The following KIAA0825 variants were observed in gnomAD, a reference collection of about 807,000 sequenced individuals.
KIAA0825 encodes the protein KIAA0825.
KIAA0825 carries 119 observed loss-of-function variants against 147.6 expected under a neutral mutation model. That is an observed-to-expected ratio of 0.81 (90% CI 0.69 to 0.94). The LOEUF (loss-of-function observed/expected upper bound fraction) is 0.94. KIAA0825 is among the 40% of genes least tolerant of loss of function. The pLI is 0.00. For synonymous variants in KIAA0825, 470 were observed against 518.1 expected, an observed-to-expected ratio of 0.91 and a Z score of 1.26; for missense variants, 1,381 against 1,472.7, an observed-to-expected ratio of 0.94 and a Z score of 1.02.
intron 5 of KIAA0825, among the ~76,000 whole-genome samples, chr5:94,512,356 C>T (rs1386138964): frequency 1.3e-5 from 2 of 151,844 alleles, no homozygotes; most frequent in African/African-American, 2.4e-5. Flanking sequence ...TTTATAATAG[C>T]CCATTGGAAA....
intron 2 of KIAA0825, among the ~76,000 whole-genome samples, chr5:94,551,739 G>A (rs1156376902): frequency 6.6e-6 from 1 of 151,850 alleles, no homozygotes; most frequent in Non-Finnish European, 1.5e-5. Flanking sequence ...TGAAAAGATG[G>A]TAACTACCAC....
At chr5:94,245,108 A>C (rs1278304831) in intron 20 of KIAA0825, among the ~76,000 whole-genome samples, 1 of 152,182 alleles carries the variant, frequency 6.6e-6, no homozygotes, top group East Asian at 1.9e-4. Flanking sequence ...AGGAAATTGG[A>C]GGCCAAAGGC....
At chr5:94,301,600 G>C (rs1778406943) in intron 20 of KIAA0825, among the ~76,000 whole-genome samples, 1 of 152,002 alleles carries the variant, frequency 6.6e-6, no homozygotes, top group Non-Finnish European at 1.5e-5. Flanking sequence ...GTGAAATATG[G>C]AGCACAGTTG....
chr5:94,476,717 G>A (rs576847494), intron 7 of KIAA0825, among the ~76,000 whole-genome samples: 8 of 152,248 alleles, frequency 5.3e-5, no homozygotes, highest in African/African-American at 7.2e-5. Context: ...GTGGTAACAG[G>A]TTTTGGGACC....
At chr5:94,440,430 T>C (rs1756925462) in intron 13 of KIAA0825, among the ~76,000 whole-genome samples, 1 of 152,218 alleles carries the variant, frequency 6.6e-6, no homozygotes, top group African/African-American at 2.4e-5. Context: ...ACTTATGCAT[T>C]TTTTGAATGC....
At chr5:94,564,242 G>A (rs1266904133) in intron 2 of KIAA0825, among the ~76,000 whole-genome samples, 2 of 120,210 alleles carry the variant, frequency 1.7e-5, no homozygotes, top group Non-Finnish European at 3.3e-5. Context: ...TTGCAGACAA[G>A]GTCTCATTCT....
chr5:94,266,310 G>A (rs1436806725), intron 20 of KIAA0825, among the ~76,000 whole-genome samples: 2 of 152,138 alleles, frequency 1.3e-5, no homozygotes, highest in Non-Finnish European at 2.9e-5. Context: ...GTGATATTGT[G>A]TAATGAAATG....
rs191295263 is a variant in KIAA0825 at position 94,219,951 on chromosome 5, T to C, written c.3711-65827A>G. 7.7e-4 allele frequency among the ~76,000 whole-genome samples: 118 copies of C among 152,292 alleles called. 1 individual carries two copies. The highest frequency in any genetic ancestry group is 2.7e-3 in the African/African-American group (114 of 41,558). ...TAAATTTATAAAAACTATTTTTTCT[T>C]CAATAATAAATTAACCTTAGCTTAC... On this transcript the variant is annotated intron_variant, in intron 20 of 20. Coordinates refer to ENST00000682413, the MANE Select transcript of KIAA0825 (RefSeq NM_001145678.3).
chr5:94,282,236 A>G (rs561092505), intron 20 of KIAA0825, among the ~76,000 whole-genome samples: 1 of 152,266 alleles, frequency 6.6e-6, no homozygotes, highest in South Asian at 2.1e-4. Flanking sequence ...GCAATGCCTA[A>G]GACAGTATCA....
intron 2 of KIAA0825, among the ~76,000 whole-genome samples, chr5:94,550,753 A>T (rs892314264): frequency 3.3e-5 from 5 of 151,888 alleles, no homozygotes; most frequent in Non-Finnish European, 7.4e-5. Flanking sequence ...GAGGCAGGAG[A>T]ATGGCGTGAG....
At chr5:94,461,619 A>G (rs2150951354) in intron 12 of KIAA0825, among the ~76,000 whole-genome samples, 1 of 152,040 alleles carries the variant, frequency 6.6e-6, no homozygotes, top group African/African-American at 2.4e-5. Flanking sequence ...CTCTTAGAAT[A>G]TCTAATACAA....
chr5:94,417,890 G>C (rs985926831), intron 14 of KIAA0825, among the ~76,000 whole-genome samples: 4 of 152,118 alleles, frequency 2.6e-5, no homozygotes, highest in African/African-American at 9.7e-5. Flanking sequence ...AGACTGAAGA[G>C]TTTTATCAAT....
chr5:94,480,535 T>A (rs1166514453), intron 6 of KIAA0825, among the ~76,000 whole-genome samples: 1 of 152,102 alleles, frequency 6.6e-6, no homozygotes, highest in Non-Finnish European at 1.5e-5. Flanking sequence ...TAGATTGAAG[T>A]ATAAGCTTTG....
At chr5:94,400,838 A>G (rs771817550) in intron 16 of KIAA0825, among the ~76,000 whole-genome samples, 9 of 152,120 alleles carry the variant, frequency 5.9e-5, no homozygotes, top group Non-Finnish European at 1.3e-4. Context: ...GTGTTTTTTA[A>G]TGTCACAGTA....
At chr5:94,419,000 C>T (rs371092269) in intron 14 of KIAA0825, among the ~76,000 whole-genome samples, 17 of 152,036 alleles carry the variant, frequency 1.1e-4, no homozygotes, top group Non-Finnish European at 1.8e-4. Flanking sequence ...CCAACAGCCT[C>T]GCAAGTAGGT....
At chr5:94,302,606 A>G (rs988083452) in intron 20 of KIAA0825, among the ~76,000 whole-genome samples, 1 of 151,950 alleles carries the variant, frequency 6.6e-6, no homozygotes, top group African/African-American at 2.4e-5. Flanking sequence ...GGATAAAGAC[A>G]TTTTTTTCTC....
intron 17 of KIAA0825, among the ~76,000 whole-genome samples, 177 bp from the exon 18 acceptor site, chr5:94,391,871 G>GAA (rs1187737398): frequency 6.6e-6 from 1 of 152,048 alleles, no homozygotes; most frequent in African/African-American, 2.4e-5. Flanking sequence ...CAGCACCTTA[G>GAA]AATTAAGCAC....
At chr5:94,282,564 T>A (rs1297564187) in intron 20 of KIAA0825, among the ~76,000 whole-genome samples, 1 of 152,100 alleles carries the variant, frequency 6.6e-6, no homozygotes, top group African/African-American at 2.4e-5. Context: ...AGAAAAAGAA[T>A]GATGAACTAA....
chr5:94,578,212 C>T (rs955593016), intron 2 of KIAA0825, among the ~76,000 whole-genome samples: 7 of 152,190 alleles, frequency 4.6e-5, no homozygotes, highest in Admixed American at 1.3e-4. Context: ...GTAAGAACAA[C>T]AGTAGTTAAT....
Sources: allele counts gnomAD v4.1 joint callset (sites outside exome capture counted in the v4.1 genomes callset), GRCh38; gene constraint gnomAD v4.1.1; transcripts MANE v1.5; gene names NCBI Gene and HGNC (gene_info 2026-07-23, HGNC 2026-07-21).